ZNF138: variants seen among roughly 807,000 people sequenced by gnomAD.
The protein encoded by ZNF138 is zinc finger protein 138 (clone pHZ-32).
A neutral mutation model predicts 33.0 loss-of-function variants in ZNF138; 33 were observed. That is an observed-to-expected ratio of 1.00 (90% CI 0.76 to 1.34). The LOEUF (loss-of-function observed/expected upper bound fraction) is 1.34. Ranked by LOEUF, ZNF138 falls within the 40% of genes most tolerant of loss-of-function variation. The pLI is 0.00. For synonymous variants in ZNF138, 139 were observed against 120.4 expected (o/e 1.15, Z -1.01); for missense variants, 360 against 370.8 (o/e 0.97, Z 0.24).
At position 64,831,791 on chromosome 7, in the gene ZNF138, T is replaced by A; in HGVS notation, c.549T>A (p.Thr183=). 1 of 1,613,474 alleles carries A rather than the reference T, an allele frequency of 6.2e-7. No homozygotes were observed. The change falls in exon 4 of 4, where the codon ACT becomes ACA. Residue 183 remains threonine, a synonymous_variant. Transcript: ENST00000307355. ...DKSLCMLSRL[T]QHKKIHTREN... ...CACTTTGCATGCTTTCACGCCTAAC[T>A]CAACATAAAAAAATTCATACTAGAG...
intron 1 of ZNF138, among the ~76,000 whole-genome samples, chr7:64,799,267 G>T (rs1267087416): frequency 6.6e-6 from 1 of 151,770 alleles, no homozygotes. Flanking sequence ...CTGGATTCAA[G>T]TGATTTCTCC....
At chr7:64,803,650 A>G (rs1787339255) in intron 1 of ZNF138, among the ~76,000 whole-genome samples, 1 of 152,204 alleles carries the variant, frequency 6.6e-6, no homozygotes, top group South Asian at 2.1e-4. Context: ...ATAACACCAC[A>G]ATATTTGCTT....
At chr7:64,827,803 C>T in intron 3 of ZNF138, among the ~76,000 whole-genome samples, 1 of 151,680 alleles carries the variant, frequency 6.6e-6, no homozygotes, top group African/African-American at 2.4e-5. Flanking sequence ...TTTTAATTTT[C>T]TTCTGCAATT....
the ZNF138 span, among the ~76,000 whole-genome samples, chr7:64,847,334 T>TATATA: frequency 0.12 from 11,025 of 92,546 alleles, 374 homozygotes; most frequent in East Asian, 0.24. Context: ...ATATATATAT[T>TATATA]TTTTTTTTTT....
At chr7:64,850,906 C>T in the ZNF138 span, among the ~76,000 whole-genome samples, 1 of 152,128 alleles carries the variant, frequency 6.6e-6, no homozygotes, top group Non-Finnish European at 1.5e-5. Flanking sequence ...TTCTTCTAGT[C>T]AGTCTGGGGG....
the ZNF138 span, among the ~76,000 whole-genome samples, chr7:64,842,746 T>C: frequency 6.6e-6 from 1 of 152,228 alleles, no homozygotes; most frequent in African/African-American, 2.4e-5. Context: ...TGTGTATTTA[T>C]TTTGTAAAAC....
the ZNF138 span, among the ~76,000 whole-genome samples, chr7:64,851,251 C>T: frequency 1.3e-5 from 2 of 152,142 alleles, no homozygotes; most frequent in African/African-American, 4.8e-5. Flanking sequence ...GTTTCCTTCC[C>T]ACCACACCCA....
At chr7:64,852,558 C>G in the ZNF138 span, 3 of 1,568,666 alleles carry the variant, frequency 1.9e-6, no homozygotes, top group Non-Finnish European at 2.6e-6. Flanking sequence ...GACTTTATCT[C>G]TGCACAGAAC....
chr7:64,794,927 TC>T (rs1312658107), intron 1 of ZNF138, among the ~76,000 whole-genome samples: 2 of 152,224 alleles, frequency 1.3e-5, no homozygotes, highest in African/African-American at 4.8e-5. Flanking sequence ...TCCGCGGGCT[TC>T]CCTGTCCCTC....
At chr7:64,859,326 T>A in the ZNF138 span, among the ~76,000 whole-genome samples, 3 of 152,178 alleles carry the variant, frequency 2.0e-5, no homozygotes, top group African/African-American at 7.2e-5. Flanking sequence ...ATGGGATGAG[T>A]CCTAAGAGAT....
intron 3 of ZNF138, among the ~76,000 whole-genome samples, chr7:64,816,047 C>T (rs563923572): frequency 6.6e-6 from 1 of 151,882 alleles, no homozygotes; most frequent in Non-Finnish European, 1.5e-5. Context: ...GGTTTCTGTT[C>T]CATTGTGGTT....
intron 1 of ZNF138, 149 bp downstream of exon 1, chr7:64,794,720 C>T: frequency 8.3e-7 from 1 of 1,211,444 alleles, no homozygotes; most frequent in Non-Finnish European, 1.2e-6. Flanking sequence ...CCTCAGTCCC[C>T]TTAAGCCATA....
At chr7:64,849,623 A>G in the ZNF138 span, among the ~76,000 whole-genome samples, 1 of 151,882 alleles carries the variant, frequency 6.6e-6, no homozygotes, top group Admixed American at 6.6e-5. Context: ...CTGCAGCTGC[A>G]GTGGGAAGTG....
chr7:64,825,876 A>G (rs984951892), intron 3 of ZNF138, among the ~76,000 whole-genome samples: 1 of 152,212 alleles, frequency 6.6e-6, no homozygotes. Flanking sequence ...CACTTCGTCA[A>G]TCAGGCTGGT....
chr7:64,815,775 GTTTT>G, intron 3 of ZNF138, 122 bp downstream of exon 3: 4 of 920,688 alleles, frequency 4.3e-6, no homozygotes, highest in Non-Finnish European at 6.5e-6. Flanking sequence ...GAAAGCCTGA[GTTTT>G]TTATTTTGCT....
the ZNF138 span, among the ~76,000 whole-genome samples, chr7:64,846,623 A>C: frequency 6.6e-6 from 1 of 152,170 alleles, no homozygotes; most frequent in African/African-American, 2.4e-5. Context: ...TGTATTGTGA[A>C]GCTTTGCTGA....
chr7:64,834,948 G>A (rs1009333625), downstream of ZNF138, among the ~76,000 whole-genome samples: 3 of 152,230 alleles, frequency 2.0e-5, no homozygotes, highest in Non-Finnish European at 2.9e-5. Flanking sequence ...GCGAGACAAA[G>A]AGGGCAAAAA....
the ZNF138 span, chr7:64,852,714 CCAGCCACTGATGCA>C: frequency 8.7e-7 from 1 of 1,147,032 alleles, no homozygotes; most frequent in Non-Finnish European, 1.3e-6. Flanking sequence ...TTAGGAATAT[CCAGCCACTGATGCA>C]CAGCCACTGC....
chr7:64,799,237 G>T (rs1414363917), intron 1 of ZNF138, among the ~76,000 whole-genome samples: 3 of 151,914 alleles, frequency 2.0e-5, no homozygotes, highest in African/African-American at 7.3e-5. Flanking sequence ...CACGATCTCG[G>T]CTCACCGCAA....
Sources: gnomAD v4.1 joint callset for allele counts (sites outside exome capture counted in the v4.1 genomes callset) on GRCh38, gnomAD v4.1.1 for gene constraint, MANE v1.5 for transcripts, NCBI Gene and HGNC (gene_info 2026-07-23, HGNC 2026-07-21) for gene names.